PLXNA4: variants seen among roughly 807,000 people sequenced by gnomAD.
The protein encoded by PLXNA4 is plexin A4.
PLXNA4 carries 44 observed loss-of-function variants against 191.8 expected under a neutral mutation model. The ratio of observed to expected loss-of-function variants is 0.23; its 90% CI spans 0.18 to 0.29. The LOEUF (loss-of-function observed/expected upper bound fraction) is 0.29, where lower values mean the gene tolerates loss of function less well. Ranked by LOEUF, PLXNA4 falls within the 10% of genes least tolerant of loss-of-function variation. The pLI, the probability that PLXNA4 is intolerant of heterozygous loss-of-function variation, is 1.00. For missense variants in PLXNA4, 1,800 were observed against 2,488.8 expected (o/e 0.72, Z 5.89); for synonymous variants, 1,082 against 1,009.5 (o/e 1.07, Z -1.36).
intron 4 of PLXNA4, among the ~76,000 whole-genome samples, chr7:132,253,232 CTTTTTTTT>C (rs56010775): frequency 7.4e-6 from 1 of 134,448 alleles, no homozygotes; most frequent in Admixed American, 7.5e-5. Context: ...TTTCTTTTTT[CTTTTTTTT>C]TTTTTTTTTT....
intron 30 of PLXNA4, among the ~76,000 whole-genome samples, chr7:132,135,122 C>T (rs982817217): frequency 6.6e-6 from 1 of 152,204 alleles, no homozygotes; most frequent in Non-Finnish European, 1.5e-5. Context: ...GTGTCATTGT[C>T]CCCTTAGGGA....
chr7:132,168,687 G>GA, intron 21 of PLXNA4, 115 bp from the exon 22 acceptor site: 1 of 1,392,346 alleles, frequency 7.2e-7, no homozygotes, highest in Admixed American at 2.8e-5. Flanking sequence ...TTAAGCCACA[G>GA]TCCACCTGGC....
At chr7:132,556,604 A>G (rs763070766) in intron 1 of PLXNA4, among the ~76,000 whole-genome samples, 7 of 152,248 alleles carry the variant, frequency 4.6e-5, no homozygotes, top group Non-Finnish European at 8.8e-5. Context: ...GTCTGCCTCC[A>G]AAGTCTATCC....
chr7:132,548,289 T>C (rs1448442954), intron 1 of PLXNA4, among the ~76,000 whole-genome samples: 1 of 152,168 alleles, frequency 6.6e-6, no homozygotes, highest in East Asian at 1.9e-4. Context: ...TTAATTCTAA[T>C]TGTGAGATGA....
chr7:132,133,820 G>A (rs111927976), intron 30 of PLXNA4, among the ~76,000 whole-genome samples: 1,622 of 152,208 alleles, frequency 0.011, 30 homozygotes, highest in African/African-American at 0.037. Context: ...CACCAGAGGG[G>A]GGTTGCGCAG....
rs1797816333 is a variant in PLXNA4 at position 132,491,802 on chromosome 7, T to C, written c.1189-2328A>G. On this transcript the variant is annotated intron_variant, in intron 2 of 31. Transcript: ENST00000321063. ...AAATTTACAAGGGAGTGTTCAAGATTTAGTCTGATCTTTACCATTTTTCCC... is the reference window on the plus strand; with the variant it reads ...AAATTTACAAGGGAGTGTTCAAGATCTAGTCTGATCTTTACCATTTTTCCC... Among the ~76,000 whole-genome samples, 3 of 152,040 alleles carry C rather than the reference T, an allele frequency of 2.0e-5. No homozygotes were observed. In the South Asian group the frequency reaches 6.2e-4, roughly 32 times the overall value.
chr7:132,311,165 T>TGC (rs1222278590), intron 3 of PLXNA4, among the ~76,000 whole-genome samples: 52 of 130,850 alleles, frequency 4.0e-4, no homozygotes, highest in Admixed American at 1.7e-3. Context: ...ATTGTGTGTG[T>TGC]GTGTGTGTGT....
Position 132,210,979 on chromosome 7 carries a change from G to A in PLXNA4, c.2262C>T (p.Arg754=). The stretch of plus-strand genomic sequence containing the variant: ...GGCACTGTACGCTGGAGCTGTTGAA[G>A]CGCAGGGCGGGCACTCGCTGCTCGC... ...QGSEQRVPAL[R]FNSSSVQCQN... is the part of the protein sequence containing the mutation. Residue 754 remains arginine, a synonymous_variant, in exon 10 of 32, where the codon CGC becomes CGT. Coordinates refer to ENST00000321063, the MANE Select transcript of PLXNA4 (RefSeq NM_020911.2). The A allele has an allele frequency of 6.2e-7, 1 of 1,613,292 alleles. No individual in the cohort carries two copies. The highest frequency in any genetic ancestry group is 1.1e-5 in the South Asian group (1 of 91,058).
chr7:132,210,355 A>G (rs1797757648), intron 10 of PLXNA4, among the ~76,000 whole-genome samples: 1 of 152,048 alleles, frequency 6.6e-6, no homozygotes, highest in African/African-American at 2.4e-5. Context: ...GCTGCTGACT[A>G]CTCATTGATA....
chr7:132,179,023 GGCGCGC>G (rs10530198), intron 20 of PLXNA4, among the ~76,000 whole-genome samples: 1 of 58,940 alleles, frequency 1.7e-5, no homozygotes, highest in African/African-American at 6.6e-5. Context: ...CACATATACA[GGCGCGC>G]GCGCACACAC....
chr7:132,563,677 T>C (rs900671556), intron 1 of PLXNA4, among the ~76,000 whole-genome samples: 364 of 30,382 alleles, frequency 0.012, no homozygotes, highest in Middle Eastern at 0.033. Context: ...TCTCCTCCTC[T>C]TTCTCCTCCT....
intron 3 of PLXNA4, among the ~76,000 whole-genome samples, chr7:132,346,996 A>G (rs4731864): frequency 1 from 151,787 of 152,352 alleles, 75,613 homozygotes; most frequent in Middle Eastern, 1. Context: ...TCCCTTTGCT[A>G]AGCTTGGCAA....
intron 3 of PLXNA4, among the ~76,000 whole-genome samples, chr7:132,355,071 C>G (rs1803643280): frequency 6.6e-6 from 1 of 152,206 alleles, no homozygotes; most frequent in African/African-American, 2.4e-5. Context: ...CAGATGCCCC[C>G]TCTTCCTGCC....
chr7:132,327,993 G>A (rs1000822804), intron 3 of PLXNA4, among the ~76,000 whole-genome samples: 3 of 152,136 alleles, frequency 2.0e-5, no homozygotes, highest in Non-Finnish European at 4.4e-5. Flanking sequence ...GGAAACCAGC[G>A]GCAGGGTGCA....
chr7:132,619,031 G>T (rs1803209725), intron 2 of PLXNA4, among the ~76,000 whole-genome samples: 1 of 152,168 alleles, frequency 6.6e-6, no homozygotes, highest in Non-Finnish European at 1.5e-5. Flanking sequence ...CTATGACCCA[G>T]ACACTGCCTG....
intron 3 of PLXNA4, among the ~76,000 whole-genome samples, chr7:132,449,666 T>C (rs1236515779): frequency 6.6e-6 from 1 of 152,248 alleles, no homozygotes; most frequent in Non-Finnish European, 1.5e-5. Context: ...CCATTGGTCA[T>C]GCTTCTCTCT....
At chr7:132,528,848 C>T (rs115617117) in intron 1 of PLXNA4, among the ~76,000 whole-genome samples, 3,362 of 152,258 alleles carry the variant, frequency 0.022, 139 homozygotes, top group African/African-American at 0.075. Context: ...TGTGAGGCCA[C>T]CATTCACTTA....
intron 2 of PLXNA4, among the ~76,000 whole-genome samples, chr7:132,601,700 T>C (rs1179434351): frequency 6.6e-6 from 1 of 152,206 alleles, no homozygotes; most frequent in Non-Finnish European, 1.5e-5. Flanking sequence ...ATGAAAGAAC[T>C]CCTCTGTTGT....
chr7:132,255,060 A>C (rs1799388127), intron 4 of PLXNA4, among the ~76,000 whole-genome samples: 1 of 152,160 alleles, frequency 6.6e-6, no homozygotes, highest in South Asian at 2.1e-4. Context: ...CCTCTGCTAC[A>C]GCAACAGACA....
Sources: allele counts gnomAD v4.1 joint callset (sites outside exome capture counted in the v4.1 genomes callset), GRCh38; gene constraint gnomAD v4.1.1; transcripts MANE v1.5; gene names NCBI Gene and HGNC (gene_info 2026-07-23, HGNC 2026-07-21).